Variants in TTC28 observed in about 807,000 individuals in gnomAD.
TTC28 encodes tetratricopeptide repeat domain 28, also known as tetratricopeptide repeat protein 28.
A neutral mutation model predicts 198.0 loss-of-function variants in TTC28; 61 were observed. The ratio of observed to expected loss-of-function variants is 0.31; its 90% CI spans 0.25 to 0.38. The LOEUF is 0.38. TTC28 is among the 10% of genes least tolerant of loss of function. The probability of loss-of-function intolerance (pLI) is 1.00; values close to 1 mark genes in which losing one functional copy is unlikely to be tolerated. For synonymous variants in TTC28, 1,171 were observed against 1,297.8 expected (o/e 0.90, Z 2.10); for missense variants, 2,678 against 3,164.0 (o/e 0.85, Z 3.69).
chr22:28,222,564 A>T (rs1322464320), intron 5 of TTC28, among the ~76,000 whole-genome samples: 3 of 152,246 alleles, frequency 2.0e-5, no homozygotes, highest in Admixed American at 2.0e-4. Flanking sequence ...ACACACAAAA[A>T]GTTGGATCAC....
At chr22:28,272,434 G>T (rs2145710200) in intron 5 of TTC28, among the ~76,000 whole-genome samples, 1 of 152,322 alleles carries the variant, frequency 6.6e-6, no homozygotes, top group South Asian at 2.1e-4. Context: ...TTAGCTGTAT[G>T]TCCTCAGGTA....
chr22:28,273,024 T>A (rs1932189478), intron 5 of TTC28, among the ~76,000 whole-genome samples: 1 of 152,226 alleles, frequency 6.6e-6, no homozygotes, highest in Non-Finnish European at 1.5e-5. Context: ...TGGGACCTGG[T>A]AAGTACCTCA....
chr22:28,184,419 G>A (rs1179835250), intron 5 of TTC28, among the ~76,000 whole-genome samples: 1 of 151,968 alleles, frequency 6.6e-6, no homozygotes, highest in Admixed American at 6.6e-5. Context: ...GTGTTCCTTT[G>A]GCACAGAAAT....
intron 2 of TTC28, among the ~76,000 whole-genome samples, chr22:28,579,548 AAT>A (rs559622730): frequency 3.3e-5 from 5 of 149,442 alleles, no homozygotes; most frequent in African/African-American, 1.2e-4. Context: ...TTCATTTATC[AAT>A]ATATAGTCAC....
chr22:28,672,831 A>G (rs576342624), intron 1 of TTC28, among the ~76,000 whole-genome samples: 1 of 152,366 alleles, frequency 6.6e-6, no homozygotes, highest in Admixed American at 6.5e-5. Context: ...ACCACTACAG[A>G]AAAAACCCTT....
At chr22:28,298,185 C>T (rs138119485) in intron 3 of TTC28, among the ~76,000 whole-genome samples, 1 of 152,296 alleles carries the variant, frequency 6.6e-6, no homozygotes, top group Non-Finnish European at 1.5e-5. Flanking sequence ...CCCTCAAGTC[C>T]TACTTGTACT....
rs562323315 is a variant in TTC28, at chr22:28,054,259, C to T, written c.3933-23893G>A. Among the ~76,000 whole-genome samples, 214 of 152,234 alleles carry T rather than the reference C, an allele frequency of 1.4e-3. 11 individuals are homozygous for T. The South Asian group carries it at 0.042, about 30-fold the overall frequency. On this transcript the variant is annotated intron_variant, in intron 12 of 22. Coordinates refer to ENST00000397906, the MANE Select transcript of TTC28 (RefSeq NM_001145418.2). ...GTCCCGCATGCAGCAGATTGCTTGA[C>T]GAAATGAGGCTGCCTAATGAGTAGC...
intron 5 of TTC28, among the ~76,000 whole-genome samples, chr22:28,277,436 G>A (rs899250122): frequency 2.0e-5 from 3 of 152,168 alleles, no homozygotes; most frequent in Non-Finnish European, 4.4e-5. Flanking sequence ...ATCAGTGAAT[G>A]GGAAGGGCAT....
intron 8 of TTC28, among the ~76,000 whole-genome samples, chr22:28,101,819 TAAC>T (rs1942165412): frequency 1.8e-5 from 2 of 112,836 alleles, no homozygotes; most frequent in South Asian, 3.0e-4. Context: ...AAAAGAATAC[TAAC>T]AACACAGCTA....
Position 28,107,932 on chromosome 22 carries a change from T to G in TTC28, c.1913A>C (p.His638Pro), listed in dbSNP as rs1942365088. The G allele has an allele frequency of 6.4e-7, 1 of 1,551,714 alleles. No homozygotes were observed. The highest frequency in any genetic ancestry group is 8.7e-7 in the Non-Finnish European group (1 of 1,147,000). The change falls in exon 7 of 23, where the codon CAC (histidine) becomes CCC (proline). Residue 638 changes from histidine to proline, a missense_variant. His to Pro is a moderately conservative substitution (Grantham distance 77). Around this residue, in one of 8 missense-constraint regions of TTC28, gnomAD observed 775 missense variants for 845.9 expected, o/e 0.92. Transcript: ENST00000397906. ...GCAGTAATGGGCATAGCCAAGATTGTGGCAGACCTTCCCTTCTCCTTCCAT... is the reference window on the plus strand; with the variant it reads ...GCAGTAATGGGCATAGCCAAGATTGGGGCAGACCTTCCCTTCTCCTTCCAT... ...QDMEGEGKVC[H>P]NLGYAHYCLG...
intron 2 of TTC28, among the ~76,000 whole-genome samples, chr22:28,605,789 G>A (rs1422905257): frequency 6.6e-6 from 1 of 152,150 alleles, no homozygotes; most frequent in African/African-American, 2.4e-5. Flanking sequence ...TAAGCACATT[G>A]CAAATCTAAC....
At chr22:28,424,334 A>T (rs569674376) in intron 2 of TTC28, among the ~76,000 whole-genome samples, 1 of 152,076 alleles carries the variant, frequency 6.6e-6, no homozygotes, top group African/African-American at 2.4e-5. Flanking sequence ...ACTCCTCTCC[A>T]TGGGGCAAAT....
chr22:28,430,482 G>C (rs1176684024), intron 2 of TTC28, among the ~76,000 whole-genome samples: 1 of 152,132 alleles, frequency 6.6e-6, no homozygotes, highest in Non-Finnish European at 1.5e-5. Flanking sequence ...AAATACAGGA[G>C]AGTCCCTTCA....
At chr22:28,289,673 CACT>C (rs1425018022) in intron 5 of TTC28, among the ~76,000 whole-genome samples, 3 of 152,114 alleles carry the variant, frequency 2.0e-5, no homozygotes, top group Admixed American at 6.6e-5. Context: ...ATAGCCACCG[CACT>C]ACAGCCTGAG....
chr22:28,007,538 T>G (rs1045071330), intron 14 of TTC28: 1 of 152,184 alleles, frequency 6.6e-6, no homozygotes, highest in African/African-American at 2.4e-5. Context: ...GGGTCCAACT[T>G]CAGCCAAATC....
intron 12 of TTC28, among the ~76,000 whole-genome samples, chr22:28,035,438 T>G (rs1356965354): frequency 1.3e-5 from 2 of 152,230 alleles, no homozygotes; most frequent in African/African-American, 2.4e-5. Context: ...GTTAGTGAAT[T>G]TGCAGCCACT....
At chr22:28,145,520 G>A (rs190899669) in intron 6 of TTC28, among the ~76,000 whole-genome samples, 96 of 152,170 alleles carry the variant, frequency 6.3e-4, no homozygotes, top group African/African-American at 2.2e-3. Context: ...CCTGGTCAGC[G>A]TTTTGATTTG....
intron 17 of TTC28, among the ~76,000 whole-genome samples, chr22:27,995,520 C>A (rs989456384): frequency 3.3e-5 from 5 of 152,156 alleles, no homozygotes; most frequent in Admixed American, 3.3e-4. Context: ...AGCTGTGGGC[C>A]CTCCATTTGT....
chr22:28,335,069 A>G (rs967053500), intron 2 of TTC28, among the ~76,000 whole-genome samples: 7 of 152,206 alleles, frequency 4.6e-5, no homozygotes, highest in South Asian at 2.1e-4. Flanking sequence ...AGCTTTCTAC[A>G]TATGGCTAGC....
Sources: gnomAD v4.1 joint callset for allele counts (sites outside exome capture counted in the v4.1 genomes callset) on GRCh38, gnomAD v4.1.1 for gene constraint, gnomAD v4.1.1 regional missense constraint, MANE v1.5 for transcripts, NCBI Gene and HGNC (gene_info 2026-07-23, HGNC 2026-07-21) for gene names.